The following COL21A1 variants were observed in gnomAD, a reference collection of about 807,000 sequenced individuals.
COL21A1 encodes the protein collagen type XXI alpha 1 chain, also known as collagen alpha-1(XXI) chain.
Under a neutral mutation model 137.9 loss-of-function variants are expected in COL21A1, and 149 were observed. That is an observed-to-expected ratio of 1.08 (90% CI 0.95 to 1.24). COL21A1 has a LOEUF of 1.24. Among genes scored for constraint, COL21A1 ranks in the 50% most tolerant of loss-of-function variants. The pLI, the probability that COL21A1 is intolerant of heterozygous loss-of-function variation, is 0.00. For synonymous variants in COL21A1, 456 were observed against 391.5 expected (o/e 1.16, Z -1.95); for missense variants, 1,167 against 1,158.4 (o/e 1.01, Z -0.11).
intron 1 of COL21A1, among the ~76,000 whole-genome samples, chr6:56,210,369 G>C (rs1386129420): frequency 6.6e-6 from 1 of 152,048 alleles, no homozygotes; most frequent in Non-Finnish European, 1.5e-5. Context: ...CACAAATAAA[G>C]AGAATAAACA....
chr6:56,219,196 T>C (rs1582669217), intron 1 of COL21A1, among the ~76,000 whole-genome samples: 1 of 109,936 alleles, frequency 9.1e-6, no homozygotes, highest in African/African-American at 3.8e-5. Context: ...CCAAAGCACT[T>C]CCCAAAGCCA....
chr6:56,323,385 T>A (rs1764922516), intron 1 of COL21A1, among the ~76,000 whole-genome samples: 1 of 151,896 alleles, frequency 6.6e-6, no homozygotes, highest in Non-Finnish European at 1.5e-5. Context: ...AAATGATGTT[T>A]TGTTTGTTTA....
At chr6:56,358,657 A>AAG (rs1765894086) in intron 1 of COL21A1, among the ~76,000 whole-genome samples, 1 of 152,206 alleles carries the variant, frequency 6.6e-6, no homozygotes, top group Admixed American at 6.5e-5. Flanking sequence ...ATCTTGCTGG[A>AAG]ATTTAAATTG....
At chr6:56,266,756 T>C (rs970579327) in intron 1 of COL21A1, among the ~76,000 whole-genome samples, 8 of 152,242 alleles carry the variant, frequency 5.3e-5, no homozygotes, top group Non-Finnish European at 8.8e-5. Flanking sequence ...GAATAAAGGA[T>C]ATTAAAGGTG....
chr6:56,131,218 G>C (rs1201879785), intron 12 of COL21A1, among the ~76,000 whole-genome samples: 3 of 151,886 alleles, frequency 2.0e-5, no homozygotes, highest in African/African-American at 4.8e-5. Context: ...AAAAAGCCTT[G>C]CTTGTAATAA....
At chr6:56,217,129 G>T (rs868586520) in intron 1 of COL21A1, among the ~76,000 whole-genome samples, 3 of 152,048 alleles carry the variant, frequency 2.0e-5, no homozygotes, top group Non-Finnish European at 4.4e-5. Context: ...AAGAAATAGT[G>T]TTGCAGAGTA....
intron 1 of COL21A1, among the ~76,000 whole-genome samples, chr6:56,379,812 C>A (rs1266907553): frequency 6.6e-6 from 1 of 152,158 alleles, no homozygotes; most frequent in Non-Finnish European, 1.5e-5. Context: ...TATTAAAATT[C>A]TTTATCTTTG....
intron 1 of COL21A1, among the ~76,000 whole-genome samples, chr6:56,184,706 C>T (rs10440827): frequency 0.022 from 3,290 of 152,198 alleles, 120 homozygotes; most frequent in African/African-American, 0.075. Flanking sequence ...AAAATTGAAA[C>T]CATACAGATT....
At chr6:56,310,910 C>T (rs1379482697) in intron 1 of COL21A1, among the ~76,000 whole-genome samples, 2 of 151,906 alleles carry the variant, frequency 1.3e-5, no homozygotes, top group Non-Finnish European at 2.9e-5. Context: ...ATCTATTTGA[C>T]TATTTGACCC....
chr6:56,363,173 G>A (rs925824353), intron 1 of COL21A1, among the ~76,000 whole-genome samples: 3 of 152,216 alleles, frequency 2.0e-5, no homozygotes, highest in Non-Finnish European at 2.9e-5. Context: ...ACGAATGCAT[G>A]ATTTTGGAGA....
intron 1 of COL21A1, among the ~76,000 whole-genome samples, chr6:56,187,534 C>G (rs529738421): frequency 6.6e-6 from 1 of 152,306 alleles, no homozygotes; most frequent in South Asian, 2.1e-4. Flanking sequence ...CAGACCCACA[C>G]TTACATGGTC....
chr6:56,143,948 T>C lies in COL21A1; in HGVS notation c.1435-1965A>G, dbSNP rs180860210. On this transcript the variant is annotated intron_variant, in intron 10 of 29. Transcript: ENST00000244728. Reference sequence around the variant, plus strand: ...CATGTTATGTTTGTGCACCTTTCTGTAGAAAATGGAAACGTTTAGTAATCT... The same window carrying C: ...CATGTTATGTTTGTGCACCTTTCTGCAGAAAATGGAAACGTTTAGTAATCT... Among the ~76,000 whole-genome samples, 214 of 152,344 alleles carry C rather than the reference T, an allele frequency of 1.4e-3. 1 individual carries two copies. The highest frequency in any genetic ancestry group is 4.9e-3 in the African/African-American group (202 of 41,588).
chr6:56,316,477 C>CGTTTTT (rs1764738791), intron 1 of COL21A1, among the ~76,000 whole-genome samples: 1 of 75,786 alleles, frequency 1.3e-5, no homozygotes, highest in African/African-American at 5.0e-5. Flanking sequence ...TCTAAATAGA[C>CGTTTTT]TTTTTTTTTT....
intron 10 of COL21A1, among the ~76,000 whole-genome samples, chr6:56,149,592 A>G (rs1446962880): frequency 2.6e-5 from 4 of 152,212 alleles, no homozygotes; most frequent in Non-Finnish European, 5.9e-5. Flanking sequence ...ATATAAATTT[A>G]AACATTGCCA....
rs70986787 is a variant in COL21A1 at position 56,240,159 on chromosome 6, CT to C, written c.-39+7227del. On this transcript the variant is annotated intron_variant, in intron 1 of 29. Transcript: ENST00000244728. Reference sequence around the variant, plus strand: ...CACATGGAACTGTGAGTCCATTAAACTTTTTTTTTTTTTTTTAAATAAACTA... The same window carrying C: ...CACATGGAACTGTGAGTCCATTAAACTTTTTTTTTTTTTTTAAATAAACTA... 2.9e-3 allele frequency among the ~76,000 whole-genome samples: 426 copies of C among 145,154 alleles called. 1 individual carries two copies. Among genetic ancestry groups the C allele is most frequent in the African/African-American group, 7.3e-3 (287 of 39,248 alleles).
chr6:56,286,148 A>T (rs563594258), intron 1 of COL21A1, among the ~76,000 whole-genome samples: 1 of 152,216 alleles, frequency 6.6e-6, no homozygotes, highest in Non-Finnish European at 1.5e-5. Context: ...GATACAGTTT[A>T]TGCAAGGTTT....
chr6:56,170,737 A>C lies in COL21A1; in HGVS notation c.938T>G (p.Leu313Ter). The C allele has an allele frequency of 4.4e-6, 7 of 1,608,362 alleles. No individual in the cohort carries two copies. The highest frequency in any genetic ancestry group is 5.9e-6 in the Non-Finnish European group (7 of 1,176,580). The change falls in exon 5 of 30, where the codon TTA becomes TGA. Residue 313 changes from leucine to a stop codon, truncating the protein, a stop_gained. Coordinates refer to ENST00000244728, the MANE Select transcript of COL21A1 (RefSeq NM_030820.4). LOFTEE classifies it high-confidence loss of function. ...TAATAAGATTTTGTCCACACCATTTAAGGTAACTGCTATTTGTGGCCTTCC... is the reference window on the plus strand; with the variant it reads ...TAATAAGATTTTGTCCACACCATTTCAGGTAACTGCTATTTGTGGCCTTCC... ...IDGRPQIAVT[L>*]NGVDKILLFT...
intron 1 of COL21A1, among the ~76,000 whole-genome samples, chr6:56,230,137 T>TA (rs1326237086): frequency 6.6e-6 from 1 of 151,738 alleles, no homozygotes. Context: ...GTGGGTCCTG[T>TA]AAAAAAAATT....
At chr6:56,146,819 C>T (rs1209636290) in intron 10 of COL21A1, among the ~76,000 whole-genome samples, 1 of 152,122 alleles carries the variant, frequency 6.6e-6, no homozygotes. Flanking sequence ...AACATTTCTA[C>T]TTCAAATTAA....
Sources: gnomAD v4.1 joint callset for allele counts (sites outside exome capture counted in the v4.1 genomes callset) on GRCh38, gnomAD v4.1.1 for gene constraint, MANE v1.5 for transcripts, NCBI Gene and HGNC (gene_info 2026-07-23, HGNC 2026-07-21) for gene names.